DPYD: variants seen among roughly 807,000 people sequenced by gnomAD.
DPYD encodes dihydropyrimidine dehydrogenase.
In DPYD, 109 loss-of-function variants were observed where a neutral mutation model predicts 116.2. The ratio of observed to expected loss-of-function variants is 0.94; its 90% CI spans 0.80 to 1.10. DPYD has a LOEUF of 1.10. DPYD is among the 50% of genes least tolerant of loss of function. The pLI is 0.00. For synonymous variants in DPYD, 440 were observed against 432.0 expected, an observed-to-expected ratio of 1.02 and a Z score of -0.23; for missense variants, 1,302 against 1,254.5, an observed-to-expected ratio of 1.04 and a Z score of -0.57.
chr1:97,780,400 A>G (rs1013091835), intron 3 of DPYD, among the ~76,000 whole-genome samples: 13 of 152,222 alleles, frequency 8.5e-5, no homozygotes, highest in Admixed American at 7.9e-4. Flanking sequence ...TTCATGGACA[A>G]AAGAACAATA....
intron 1 of DPYD, among the ~76,000 whole-genome samples, chr1:97,903,941 G>A (rs1047111059): frequency 1.2e-4 from 18 of 151,928 alleles, no homozygotes; most frequent in African/African-American, 4.1e-4. Context: ...AGGAGAAGAT[G>A]GAGAGGGGTG....
chr1:97,547,450 C>T (rs1650985153), intron 12 of DPYD, among the ~76,000 whole-genome samples: 1 of 152,126 alleles, frequency 6.6e-6, no homozygotes, highest in Non-Finnish European at 1.5e-5. Context: ...GGAGCCTGAA[C>T]CACTCACCAA....
chr1:97,087,564 G>A (rs1223662793), intron 21 of DPYD, among the ~76,000 whole-genome samples: 2 of 152,168 alleles, frequency 1.3e-5, no homozygotes, highest in African/African-American at 4.8e-5. Context: ...GGGTGAGAGG[G>A]AGATTATTAG....
intron 20 of DPYD, among the ~76,000 whole-genome samples, chr1:97,173,649 C>G (rs1428717591): frequency 6.7e-6 from 1 of 150,176 alleles, no homozygotes; most frequent in Non-Finnish European, 1.5e-5. Context: ...GCATGGAATA[C>G]TCAATATATG....
At chr1:97,730,503 C>T (rs879669502) in intron 4 of DPYD, among the ~76,000 whole-genome samples, 13 of 151,964 alleles carry the variant, frequency 8.6e-5, no homozygotes, top group Non-Finnish European at 1.9e-4. Context: ...GGATTACACA[C>T]GTTAGTCTCT....
intron 16 of DPYD, among the ~76,000 whole-genome samples, chr1:97,356,543 AACAG>A (rs1368574029): frequency 6.6e-6 from 1 of 152,204 alleles, no homozygotes; most frequent in East Asian, 1.9e-4. Flanking sequence ...CACCCAGGCA[AACAG>A]GGTCTGGAGT....
intron 1 of DPYD, among the ~76,000 whole-genome samples, chr1:97,920,003 C>G (rs939743998): frequency 6.6e-6 from 1 of 152,114 alleles, no homozygotes; most frequent in Non-Finnish European, 1.5e-5. Flanking sequence ...AAAGAAAACA[C>G]ACACACACAT....
chr1:97,178,441 A>G (rs938364574), intron 20 of DPYD, among the ~76,000 whole-genome samples: 2 of 152,176 alleles, frequency 1.3e-5, no homozygotes, highest in African/African-American at 2.4e-5. Flanking sequence ...AAGCAAAGGC[A>G]TACCTTACAT....
At chr1:97,569,513 G>A (rs899775369) in intron 11 of DPYD, among the ~76,000 whole-genome samples, 1 of 150,438 alleles carries the variant, frequency 6.6e-6, no homozygotes. Flanking sequence ...GAACTTTCCA[G>A]TGAATGGACA....
At chr1:97,594,171 T>C (rs961242776) in intron 9 of DPYD, among the ~76,000 whole-genome samples, 3 of 152,158 alleles carry the variant, frequency 2.0e-5, no homozygotes, top group Non-Finnish European at 2.9e-5. Context: ...ATTTTTTAAA[T>C]GGTACCAAGA....
chr1:97,173,436 A>G (rs1657001935), intron 20 of DPYD, among the ~76,000 whole-genome samples: 1 of 148,690 alleles, frequency 6.7e-6, no homozygotes, highest in South Asian at 2.2e-4. Flanking sequence ...GTATATACGT[A>G]CATATATATG....
intron 16 of DPYD, among the ~76,000 whole-genome samples, chr1:97,335,801 C>A (rs1338053519): frequency 6.6e-6 from 1 of 152,022 alleles, no homozygotes; most frequent in Admixed American, 6.6e-5. Flanking sequence ...CAAAGAAGTC[C>A]ACCTGCCTTT....
At chr1:97,227,911 T>C (rs917097956) in intron 19 of DPYD, among the ~76,000 whole-genome samples, 13 of 152,132 alleles carry the variant, frequency 8.5e-5, no homozygotes, top group African/African-American at 2.9e-4. Flanking sequence ...ATTCCTCAAT[T>C]AGCAAAAATT....
At chr1:97,340,946 GTTCT>G (rs1669558310) in intron 16 of DPYD, among the ~76,000 whole-genome samples, 1 of 152,120 alleles carries the variant, frequency 6.6e-6, no homozygotes, top group African/African-American at 2.4e-5. Flanking sequence ...TATACATTGG[GTTCT>G]TTGACTAGAA....
chr1:97,773,128 AC>A (rs908511715), intron 3 of DPYD, among the ~76,000 whole-genome samples: 3 of 152,212 alleles, frequency 2.0e-5, no homozygotes, highest in Admixed American at 1.3e-4. Flanking sequence ...CTGAGTTCTT[AC>A]AATGCCTATA....
chr1:97,319,651 G>A (rs1273165151), intron 16 of DPYD, among the ~76,000 whole-genome samples: 1 of 109,364 alleles, frequency 9.1e-6, no homozygotes, highest in African/African-American at 3.7e-5. Context: ...TCTACCAGAG[G>A]TACAAGGAGG....
At position 97,172,157 on chromosome 1, in the gene DPYD, G is replaced by A. The variant is rs554649562; in HGVS notation, c.2622+20912C>T. ...CCTCATTGTCACAACTGTAGGCATCGGTGATGGTGTTATCTTTCTTCGTAG... is the reference window on the plus strand; with the variant it reads ...CCTCATTGTCACAACTGTAGGCATCAGTGATGGTGTTATCTTTCTTCGTAG... On this transcript the variant is annotated intron_variant, in intron 20 of 22. Transcript: ENST00000370192. Among the ~76,000 whole-genome samples, 41 of 152,272 alleles carry A rather than the reference G, an allele frequency of 2.7e-4. 2 individuals are homozygous for A. The highest frequency in any genetic ancestry group is 3.3e-4 in the Admixed American group (5 of 15,286).
At chr1:97,347,858 A>AT (rs536907445) in intron 16 of DPYD, among the ~76,000 whole-genome samples, 89 of 151,836 alleles carry the variant, frequency 5.9e-4, no homozygotes, top group African/African-American at 1.7e-3. Context: ...ACAATATATC[A>AT]TTTTTTTTGC....
intron 16 of DPYD, among the ~76,000 whole-genome samples, chr1:97,330,332 T>G (rs554905311): frequency 1.1e-4 from 16 of 152,298 alleles, no homozygotes; most frequent in Middle Eastern, 6.8e-3. Context: ...ATATCCAAAC[T>G]TGCATAATAA....
Sources: allele counts gnomAD v4.1 joint callset (sites outside exome capture counted in the v4.1 genomes callset), GRCh38; gene constraint gnomAD v4.1.1; transcripts MANE v1.5; gene names NCBI Gene and HGNC (gene_info 2026-07-23, HGNC 2026-07-21).